Variants in GLIS3 observed in about 807,000 individuals in gnomAD.
The protein encoded by GLIS3 is GLIS family zinc finger 3.
GLIS3 carries 53 observed loss-of-function variants against 78.6 expected under a neutral mutation model. That is an observed-to-expected ratio of 0.67 (90% CI 0.54 to 0.85). The LOEUF is 0.85. Ranked by LOEUF, GLIS3 falls within the 40% of genes least tolerant of loss-of-function variation. The pLI, the probability that GLIS3 is intolerant of heterozygous loss-of-function variation, is 0.00. For missense variants in GLIS3, 1,703 were observed against 1,231.1 expected, an observed-to-expected ratio of 1.38 and a Z score of -5.74; for synonymous variants, 684 against 509.9, an observed-to-expected ratio of 1.34 and a Z score of -4.60.
chr9:4,261,494 G>A (rs1825525262), intron 2 of GLIS3, among the ~76,000 whole-genome samples: 1 of 152,136 alleles, frequency 6.6e-6, no homozygotes, highest in African/African-American at 2.4e-5. Flanking sequence ...CTCTATGGTA[G>A]AATAAAACCA....
At chr9:4,381,528 C>G in the GLIS3 span, among the ~76,000 whole-genome samples, 3 of 152,118 alleles carry the variant, frequency 2.0e-5, no homozygotes, top group African/African-American at 7.2e-5. Flanking sequence ...ACTCACAAAG[C>G]CTTACAGGTT....
chr9:4,280,681 T>C (rs1024784419), intron 2 of GLIS3, among the ~76,000 whole-genome samples: 2 of 152,170 alleles, frequency 1.3e-5, no homozygotes, highest in Admixed American at 1.3e-4. Flanking sequence ...GGAAAGCTGT[T>C]TGAAGAGGAA....
intron 2 of GLIS3, among the ~76,000 whole-genome samples, chr9:4,244,737 G>C (rs1260292679): frequency 1.3e-5 from 2 of 151,998 alleles, no homozygotes; most frequent in Non-Finnish European, 2.9e-5. Flanking sequence ...ACCACACCCA[G>C]CTAATTTTTG....
the GLIS3 span, among the ~76,000 whole-genome samples, chr9:4,404,562 A>G: frequency 6.6e-6 from 1 of 152,216 alleles, no homozygotes; most frequent in African/African-American, 2.4e-5. Context: ...CAGTAACAAA[A>G]GGAATTTTGG....
At chr9:4,250,862 G>A (rs532207273) in intron 2 of GLIS3, among the ~76,000 whole-genome samples, 9 of 152,088 alleles carry the variant, frequency 5.9e-5, no homozygotes, top group Non-Finnish European at 1.2e-4. Context: ...CCTTAATTTC[G>A]TTATTTACCC....
intron 4 of GLIS3, among the ~76,000 whole-genome samples, chr9:4,027,796 C>A (rs1823470778): frequency 6.6e-6 from 1 of 152,206 alleles, no homozygotes; most frequent in South Asian, 2.1e-4. Context: ...CATTCAGACA[C>A]CTGTCTCTAA....
chr9:4,208,969 A>G (rs1404169669), intron 2 of GLIS3, among the ~76,000 whole-genome samples: 1 of 152,234 alleles, frequency 6.6e-6, no homozygotes, highest in Admixed American at 6.5e-5. Context: ...GCACTTCTTC[A>G]TAAAGCACTC....
the GLIS3 span, among the ~76,000 whole-genome samples, chr9:4,397,740 G>GTAAA: frequency 6.9e-6 from 1 of 144,858 alleles, no homozygotes; most frequent in Admixed American, 6.8e-5. Flanking sequence ...GAGGAAAAGA[G>GTAAA]GGAGAAAGAG....
intron 2 of GLIS3, among the ~76,000 whole-genome samples, chr9:4,187,476 T>C (rs201415782): frequency 2.2e-4 from 33 of 152,086 alleles, no homozygotes; most frequent in Admixed American, 3.9e-4. Flanking sequence ...CTTGGCGATG[T>C]GGGCTCTTTT....
chr9:4,258,176 T>G (rs950684052), intron 2 of GLIS3, among the ~76,000 whole-genome samples: 2 of 152,218 alleles, frequency 1.3e-5, no homozygotes, highest in African/African-American at 4.8e-5. Context: ...ACGTCTTTTT[T>G]GTTTTCAGAG....
At chr9:4,125,680 T>C (rs1586743895) in intron 3 of GLIS3, 54 bp downstream of exon 3, 1 of 1,209,216 alleles carries the variant, frequency 8.3e-7, no homozygotes, top group East Asian at 2.3e-5. Context: ...CGGAAAACAC[T>C]TGTGGGGTGT....
chr9:4,269,268 A>G (rs192457328), intron 2 of GLIS3, among the ~76,000 whole-genome samples: 97 of 152,258 alleles, frequency 6.4e-4, no homozygotes, highest in Middle Eastern at 3.4e-3. Flanking sequence ...TAAACCATAG[A>G]CATACCCCTC....
chr9:3,839,076 C>G (rs777718930), intron 9 of GLIS3, among the ~76,000 whole-genome samples: 4 of 152,112 alleles, frequency 2.6e-5, no homozygotes, highest in Non-Finnish European at 5.9e-5. Context: ...ATTAGAATAC[C>G]ATAAAAATTT....
In GLIS3 at chr9:3,965,654, C is replaced by T. The variant is rs536406300; in HGVS notation, c.1711-28465G>A. ...AACATGTGCATGGGGAAGGCCAGTG[C>T]AGCAGAAGGAGTGGAAGGCGCTGCT... On this transcript the variant is annotated intron_variant, in intron 4 of 10. Transcript: ENST00000381971. 2.6e-5 allele frequency among the ~76,000 whole-genome samples: 4 copies of T among 152,304 alleles called. No individual in the cohort carries two copies. The South Asian group carries it at 8.3e-4, about 32-fold the overall frequency.
chr9:4,051,971 G>C (rs971550763), intron 4 of GLIS3, among the ~76,000 whole-genome samples: 2 of 152,166 alleles, frequency 1.3e-5, no homozygotes, highest in African/African-American at 2.4e-5. Flanking sequence ...CTGTCTCATT[G>C]CTCATTTGTA....
chr9:4,222,790 G>T (rs1371132370), intron 2 of GLIS3, among the ~76,000 whole-genome samples: 1 of 152,168 alleles, frequency 6.6e-6, no homozygotes, highest in African/African-American at 2.4e-5. Flanking sequence ...AATTTGTTTA[G>T]CAAGTGCATA....
chr9:3,872,722 T>G (rs1233373038), intron 8 of GLIS3, among the ~76,000 whole-genome samples: 1 of 152,130 alleles, frequency 6.6e-6, no homozygotes, highest in African/African-American at 2.4e-5. Context: ...GAGATTTGGG[T>G]GCGGACACAC....
intron 4 of GLIS3, among the ~76,000 whole-genome samples, chr9:4,049,723 T>G (rs1335459536): frequency 6.6e-6 from 1 of 151,854 alleles, no homozygotes; most frequent in African/African-American, 2.4e-5. Context: ...ATATCCAGAA[T>G]CTACAAAGAA....
intron 4 of GLIS3, among the ~76,000 whole-genome samples, chr9:3,972,153 A>C (rs190916621): frequency 6.6e-6 from 1 of 152,320 alleles, no homozygotes; most frequent in East Asian, 1.9e-4. Context: ...TATGTTGTTT[A>C]CAAAAAACTT....
Sources: allele counts gnomAD v4.1 joint callset (sites outside exome capture counted in the v4.1 genomes callset), GRCh38; gene constraint gnomAD v4.1.1; transcripts MANE v1.5; gene names NCBI Gene and HGNC (gene_info 2026-07-23, HGNC 2026-07-21).